MYO9B: variants seen among roughly 807,000 people sequenced by gnomAD.
MYO9B encodes the protein myosin IXB.
In MYO9B, 71 loss-of-function variants were observed where a neutral mutation model predicts 229.5. The observed-to-expected ratio is 0.31, with a 90% CI of 0.26 to 0.38. The LOEUF (loss-of-function observed/expected upper bound fraction) is 0.38. MYO9B is among the 10% of genes least tolerant of loss of function. MYO9B has a pLI of 1.00. For missense variants in MYO9B, 2,255 were observed against 2,920.5 expected, an observed-to-expected ratio of 0.77 and a Z score of 5.25; for synonymous variants, 1,185 against 1,235.8, an observed-to-expected ratio of 0.96 and a Z score of 0.86.
Position 17,172,684 on chromosome 19 carries a change from C to A in MYO9B, c.1936-75C>A. Reference sequence around the variant, plus strand: ...CCCACCCCACCGTCAGCCCTTCCTGCGCCAGCCCGGGGTCTTTGGTAGGCG... The same window carrying A: ...CCCACCCCACCGTCAGCCCTTCCTGAGCCAGCCCGGGGTCTTTGGTAGGCG... On this transcript the variant is annotated intron_variant, in intron 12 of 39. Transcript: ENST00000682292. This position sits in a 1 kb window ranked among gnomAD's most constrained non-coding sequence, Gnocchi z 8.2. The A allele has an allele frequency of 1.3e-6, 2 of 1,559,576 alleles. No homozygotes were observed. The highest frequency in any genetic ancestry group is 2.3e-5 in the East Asian group (1 of 44,282).
intron 2 of MYO9B, among the ~76,000 whole-genome samples, chr19:17,127,237 C>T (rs925299332): frequency 6.8e-5 from 10 of 147,372 alleles, no homozygotes; most frequent in Non-Finnish European, 1.2e-4. Context: ...TGGTCTCAAA[C>T]TTGTGACCCA....
At chr19:17,110,471 T>C (rs2057837223) in intron 2 of MYO9B, among the ~76,000 whole-genome samples, 1 of 152,026 alleles carries the variant, frequency 6.6e-6, no homozygotes, top group South Asian at 2.1e-4. Context: ...AACACGCTCC[T>C]CTCCCTTTGC....
chr19:17,199,873 T>G (rs2073088509), intron 24 of MYO9B, among the ~76,000 whole-genome samples: 3 of 149,362 alleles, frequency 2.0e-5, no homozygotes, highest in South Asian at 2.1e-4. Context: ...TGTTTTTTGT[T>G]TTTTTTTTTG....
At chr19:17,166,358 A>C (rs1267932511) in intron 10 of MYO9B, among the ~76,000 whole-genome samples, 1 of 151,978 alleles carries the variant, frequency 6.6e-6, no homozygotes, top group African/African-American at 2.4e-5. Flanking sequence ...GTGATATTTA[A>C]AGTGCCATGC....
chr19:17,111,434 T>C (rs1405556116), intron 2 of MYO9B, among the ~76,000 whole-genome samples: 1 of 152,230 alleles, frequency 6.6e-6, no homozygotes, highest in Non-Finnish European at 1.5e-5. Context: ...GATTAAATTG[T>C]ATCTGCATTT....
chr19:17,119,466 G>A (rs2057938999), intron 2 of MYO9B, among the ~76,000 whole-genome samples: 1 of 152,184 alleles, frequency 6.6e-6, no homozygotes. Flanking sequence ...GAGGCAGCAG[G>A]GAGGCCGAGG....
At chr19:17,206,952 C>T in intron 34 of MYO9B, 161 bp from the exon 35 acceptor site, 2 of 1,277,094 alleles carry the variant, frequency 1.6e-6, no homozygotes, top group Non-Finnish European at 2.2e-6. Context: ...CCGCCCGGGT[C>T]CCTTGAGGTA....
chr19:17,095,806 A>G (rs2057682338), intron 1 of MYO9B: 1 of 152,146 alleles, frequency 6.6e-6, no homozygotes, highest in African/African-American at 2.4e-5. Flanking sequence ...TCTTTCACCC[A>G]GGCTGGAGTG....
intron 1 of MYO9B, among the ~76,000 whole-genome samples, chr19:17,089,170 G>T (rs141424530): frequency 8.6e-5 from 13 of 151,856 alleles, no homozygotes; most frequent in African/African-American, 3.1e-4. Context: ...TCTCTAAGTC[G>T]TCCTCCCACT....
intron 2 of MYO9B, among the ~76,000 whole-genome samples, chr19:17,127,735 G>A (rs991259223): frequency 1.3e-5 from 2 of 152,226 alleles, no homozygotes; most frequent in African/African-American, 4.8e-5. Flanking sequence ...CTGGTACCAG[G>A]AGGGTGTCCT....
chr19:17,165,174 A>G (rs1203119594), intron 10 of MYO9B, among the ~76,000 whole-genome samples: 1 of 152,030 alleles, frequency 6.6e-6, no homozygotes, highest in Non-Finnish European at 1.5e-5. Flanking sequence ...CACATTTTAG[A>G]TACACAGGGT....
chr19:17,180,079 A>G (rs941830844), intron 14 of MYO9B, among the ~76,000 whole-genome samples: 162 of 150,974 alleles, frequency 1.1e-3, no homozygotes, highest in African/African-American at 3.8e-3. Flanking sequence ...CTAAAAATAC[A>G]AAAATTAGCC....
At chr19:17,080,283 C>T (rs151321769) in intron 1 of MYO9B, among the ~76,000 whole-genome samples, 3 of 152,288 alleles carry the variant, frequency 2.0e-5, no homozygotes, top group Non-Finnish European at 4.4e-5. Flanking sequence ...CAGAACCGCA[C>T]GCTGGGTGGC....
rs1013013185 is a variant in MYO9B, at chr19:17,101,255, G to C, written c.-58-405G>C. Among the ~76,000 whole-genome samples, 6 of 151,854 alleles carry C rather than the reference G, an allele frequency of 4.0e-5. No individual in the cohort carries two copies. Among genetic ancestry groups the C allele is most frequent in the African/African-American group, 1.2e-4 (5 of 41,330 alleles). ...ACAGCTGGTATAATCATGGCTCACTGCAGCCTCGATCTCCTGGGTTCAAGT... is the reference window on the plus strand; with the variant it reads ...ACAGCTGGTATAATCATGGCTCACTCCAGCCTCGATCTCCTGGGTTCAAGT... On this transcript the variant is annotated intron_variant, in intron 1 of 39. Transcript: ENST00000682292. This position sits in a 1 kb window ranked among gnomAD's most constrained non-coding sequence, Gnocchi z 4.7.
At chr19:17,128,775 C>T (rs1261884060) in intron 2 of MYO9B, among the ~76,000 whole-genome samples, 1 of 152,234 alleles carries the variant, frequency 6.6e-6, no homozygotes, top group Non-Finnish European at 1.5e-5. Context: ...AAAGAAATAA[C>T]AGGAGGTCCA....
At chr19:17,150,581 T>C (rs1057347146) in intron 3 of MYO9B, among the ~76,000 whole-genome samples, 12 of 98,716 alleles carry the variant, frequency 1.2e-4, no homozygotes, top group African/African-American at 3.3e-4. Flanking sequence ...CTCACATGTC[T>C]GGTGATGGCG....
At chr19:17,166,336 C>A (rs1352883041) in intron 10 of MYO9B, among the ~76,000 whole-genome samples, 1 of 152,180 alleles carries the variant, frequency 6.6e-6, no homozygotes, top group South Asian at 2.1e-4. Flanking sequence ...AGCCACCACG[C>A]CCAGCCCTTG....
intron 1 of MYO9B, among the ~76,000 whole-genome samples, chr19:17,089,225 G>A (rs184004142): frequency 1.8e-3 from 273 of 151,656 alleles, no homozygotes; most frequent in Non-Finnish European, 3.1e-3. Context: ...TCATTCCTTC[G>A]TGTGTGTGTG....
At chr19:17,184,030 C>A in intron 16 of MYO9B, 162 bp downstream of exon 16, 1 of 735,284 alleles carries the variant, frequency 1.4e-6, no homozygotes, top group Non-Finnish European at 2.2e-6. Flanking sequence ...TGATTTAGAG[C>A]TGTCTCTTTA....
Sources: allele counts gnomAD v4.1 joint callset (sites outside exome capture counted in the v4.1 genomes callset), GRCh38; gene constraint gnomAD v4.1.1; non-coding constraint Gnocchi (gnomAD v3.1); transcripts MANE v1.5; gene names NCBI Gene and HGNC (gene_info 2026-07-23, HGNC 2026-07-21).